Variants in SHISA6 observed in about 807,000 individuals in gnomAD.
The protein encoded by SHISA6 is shisa family member 6.
A neutral mutation model predicts 47.9 loss-of-function variants in SHISA6; 22 were observed. The ratio of observed to expected loss-of-function variants is 0.46; its 90% CI spans 0.33 to 0.66. SHISA6 has a LOEUF of 0.66. SHISA6 is among the 30% of genes least tolerant of loss of function. The pLI, the probability that SHISA6 is intolerant of heterozygous loss-of-function variation, is 0.02. For missense variants in SHISA6, 680 were observed against 764.6 expected, an observed-to-expected ratio of 0.89 and a Z score of 1.30; for synonymous variants, 388 against 337.8, an observed-to-expected ratio of 1.15 and a Z score of -1.63.
intron 2 of SHISA6, among the ~76,000 whole-genome samples, chr17:11,317,309 A>G (rs950793306): frequency 1.3e-5 from 2 of 151,050 alleles, no homozygotes; most frequent in African/African-American, 4.9e-5. Flanking sequence ...TATGATTGCT[A>G]TTACTTTGGT....
rs544068164 is a variant in SHISA6, at chr17:11,241,748, A to G, written c.326A>G (p.Glu109Gly). The change falls in exon 1 of 6, where the codon GAG becomes GGG. Residue 109 changes from glutamate (E) to glycine (G), a missense_variant. Transcript: ENST00000441885. The surrounding 1 kb of genome is among the most constrained non-coding windows in gnomAD (Gnocchi z 5.5). ...DVSGQYDKEF[E>G]CNNSESGYLY... ...AGCGGCCAGTACGACAAGGAGTTCGAGTGTAACAACAGCGAGAGCGGCTAC... is the reference window on the plus strand; with the variant it reads ...AGCGGCCAGTACGACAAGGAGTTCGGGTGTAACAACAGCGAGAGCGGCTAC... 5.2e-6 allele frequency: 8 copies of G among 1,546,402 alleles called. No individual in the cohort carries two copies. In the East Asian group the frequency reaches 7.3e-5, roughly 14 times the overall value.
chr17:11,338,602 G>A (rs1301788989), intron 2 of SHISA6, among the ~76,000 whole-genome samples: 1 of 151,750 alleles, frequency 6.6e-6, no homozygotes, highest in African/African-American at 2.4e-5. Context: ...GTAGAGATGG[G>A]GTTTCACCGT....
chr17:11,558,598 T>G lies in SHISA6; in HGVS notation c.*294T>G. ...CTCACCCCCGACCACCTTCACCAAC[T>G]CCCTTTCCGTCCCGCGCCTCCTTCT... On this transcript the variant is annotated 3_prime_UTR_variant, in exon 6 of 6. Coordinates refer to ENST00000441885, the MANE Select transcript of SHISA6 (RefSeq NM_207386.4). 1 of 422,510 alleles carries G rather than the reference T, an allele frequency of 2.4e-6. No homozygotes were observed. The highest frequency in any genetic ancestry group is 4.3e-6 in the Non-Finnish European group (1 of 232,842). The allele number at this position is 422,510 out of a possible 1,614,324, so 26.2% of individuals were successfully genotyped here.
At position 11,551,884 on chromosome 17, in the gene SHISA6, T is replaced by C; in HGVS notation, c.896-12T>C. On this transcript the variant is annotated splice_polypyrimidine_tract_variant and intron_variant, in intron 3 of 5. Transcript: ENST00000441885. The stretch of plus-strand genomic sequence containing the variant: ...AACTCTTCTTTAAAAATTTCTTTTC[T>C]ATGATTTTCAGGTGATCATCAATAT... 2 of 1,551,422 alleles carry C rather than the reference T, an allele frequency of 1.3e-6. No individual in the cohort carries two copies. Among genetic ancestry groups the C allele is most frequent in the Non-Finnish European group, 1.7e-6 (2 of 1,146,746 alleles).
In SHISA6 at chr17:11,326,865, T is replaced by A. The variant is rs539626240; in HGVS notation, c.800-52549T>A. ...TAGGGAGTCCCCTCTCAAGGAGAAA[T>A]CAGCCTGCATTATCTTACCACATCC... is the stretch of plus-strand genomic sequence containing the variant. On this transcript the variant is annotated intron_variant, in intron 2 of 5. Transcript: ENST00000441885. Among the ~76,000 whole-genome samples the A allele has an allele frequency of 6.6e-5, 10 of 152,302 alleles. No individual in the cohort carries two copies. In the East Asian group the frequency reaches 1.9e-3, roughly 29 times the overall value.
chr17:11,525,765 C>T (rs1005965375), intron 3 of SHISA6, among the ~76,000 whole-genome samples: 1 of 151,562 alleles, frequency 6.6e-6, no homozygotes, highest in African/African-American at 2.4e-5. Context: ...CCTGTAATCC[C>T]AGCACTTTGG....
At chr17:11,276,980 A>T (rs998039021) in intron 2 of SHISA6, among the ~76,000 whole-genome samples, 1 of 152,200 alleles carries the variant, frequency 6.6e-6, no homozygotes, top group Admixed American at 6.5e-5. Context: ...AATGGATTGT[A>T]TGGAGGGTAC....
intron 1 of SHISA6, among the ~76,000 whole-genome samples, chr17:11,250,138 A>G (rs1907746059): frequency 6.6e-6 from 1 of 152,208 alleles, no homozygotes. Flanking sequence ...CACGTCCCAT[A>G]TTTCTGCATG....
At chr17:11,352,281 T>A (rs1253976457) in intron 2 of SHISA6, among the ~76,000 whole-genome samples, 1 of 152,022 alleles carries the variant, frequency 6.6e-6, no homozygotes, top group Non-Finnish European at 1.5e-5. Flanking sequence ...GGAGATAGTG[T>A]TCATATTGAG....
At chr17:11,376,344 G>A (rs1161760731) in intron 2 of SHISA6, among the ~76,000 whole-genome samples, 1 of 142,112 alleles carries the variant, frequency 7.0e-6, no homozygotes. Context: ...TTTTTGAGAC[G>A]TCTCGCTCTG....
chr17:11,433,308 C>T (rs1914843853), intron 3 of SHISA6, among the ~76,000 whole-genome samples: 1 of 152,152 alleles, frequency 6.6e-6, no homozygotes, highest in Non-Finnish European at 1.5e-5. Flanking sequence ...GTTCAACTCC[C>T]ACTTATGAGT....
intron 2 of SHISA6, among the ~76,000 whole-genome samples, chr17:11,315,507 T>C (rs1188375768): frequency 6.6e-6 from 1 of 152,208 alleles, no homozygotes; most frequent in Non-Finnish European, 1.5e-5. Context: ...TAGAAATGTC[T>C]TCTGGGACAC....
At chr17:11,516,954 C>T (rs1375042299) in intron 3 of SHISA6, among the ~76,000 whole-genome samples, 1 of 152,180 alleles carries the variant, frequency 6.6e-6, no homozygotes, top group African/African-American at 2.4e-5. Flanking sequence ...AGACATCATG[C>T]TGAGAATTCA....
At chr17:11,438,436 G>T (rs1294734759) in intron 3 of SHISA6, among the ~76,000 whole-genome samples, 2 of 152,142 alleles carry the variant, frequency 1.3e-5, no homozygotes, top group African/African-American at 4.8e-5. Context: ...GAAAGTTCAA[G>T]ATCACTGTGC....
chr17:11,489,666 C>A (rs749754721), intron 3 of SHISA6, among the ~76,000 whole-genome samples: 6 of 152,156 alleles, frequency 3.9e-5, no homozygotes, highest in Non-Finnish European at 8.8e-5. Context: ...GTTGAAACCA[C>A]ACAGATGCTC....
chr17:11,434,849 C>G (rs1319230062), intron 3 of SHISA6, among the ~76,000 whole-genome samples: 1 of 152,100 alleles, frequency 6.6e-6, no homozygotes, highest in Non-Finnish European at 1.5e-5. Context: ...AATGTATGAC[C>G]ACATTTCTAA....
At chr17:11,262,407 C>A (rs529133793) in intron 1 of SHISA6, among the ~76,000 whole-genome samples, 14 of 152,262 alleles carry the variant, frequency 9.2e-5, no homozygotes, top group Middle Eastern at 3.4e-3. Flanking sequence ...GTGACAGTAT[C>A]CAGGTGTAGT....
Position 11,353,967 on chromosome 17 carries a change from G to A in SHISA6, c.800-25447G>A, listed in dbSNP as rs369286712. ...CCTAAGAGAACCCCCTACTCCAGGG[G>A]TTTCCCGACTTCAGCACTGTGGCAT... On this transcript the variant is annotated intron_variant, in intron 2 of 5. Coordinates refer to ENST00000441885, the MANE Select transcript of SHISA6 (RefSeq NM_207386.4). 5.6e-4 allele frequency among the ~76,000 whole-genome samples: 86 copies of A among 152,234 alleles called. 1 individual carries two copies. The highest frequency in any genetic ancestry group is 2.0e-3 in the African/African-American group (84 of 41,540).
At chr17:11,357,668 A>C (rs1370348315) in intron 2 of SHISA6, among the ~76,000 whole-genome samples, 1 of 152,202 alleles carries the variant, frequency 6.6e-6, no homozygotes, top group Non-Finnish European at 1.5e-5. Flanking sequence ...TACCCTTTGG[A>C]TGTAACATAA....
Sources: allele counts gnomAD v4.1 joint callset (sites outside exome capture counted in the v4.1 genomes callset), GRCh38; gene constraint gnomAD v4.1.1; non-coding constraint Gnocchi (gnomAD v3.1); transcripts MANE v1.5; gene names NCBI Gene and HGNC (gene_info 2026-07-23, HGNC 2026-07-21).